The following TDRP variants were observed in gnomAD, a reference collection of about 807,000 sequenced individuals.
TDRP encodes the protein testis development related protein.
A neutral mutation model predicts 10.5 loss-of-function variants in TDRP; 12 were observed. The observed-to-expected ratio is 1.15, with a 90% CI of 0.73 to 1.86. TDRP has a LOEUF of 1.86. TDRP is among the 40% of genes most tolerant of loss of function. The pLI is 0.00. For missense variants in TDRP, 353 were observed against 229.2 expected (o/e 1.54, Z -3.49); for synonymous variants, 139 against 95.4 (o/e 1.46, Z -2.67).
intron 1 of TDRP, among the ~76,000 whole-genome samples, chr8:500,537 G>A (rs1801262576): frequency 2.0e-5 from 3 of 152,206 alleles, no homozygotes; most frequent in Non-Finnish European, 2.9e-5. Flanking sequence ...GACACTCTCA[G>A]AAGTGCCATC....
chr8:526,220 A>C (rs1802031074), intron 1 of TDRP, among the ~76,000 whole-genome samples: 2 of 152,106 alleles, frequency 1.3e-5, no homozygotes, highest in African/African-American at 4.8e-5. Context: ...CTGGTCTTGA[A>C]CTACTGGCCT....
intron 1 of TDRP, among the ~76,000 whole-genome samples, chr8:522,709 C>G (rs899932809): frequency 6.6e-6 from 1 of 152,180 alleles, no homozygotes; most frequent in African/African-American, 2.4e-5. Context: ...CTCGGTGCAC[C>G]TAAATAATTA....
chr8:515,415 T>A (rs1801731556), intron 1 of TDRP, among the ~76,000 whole-genome samples: 1 of 152,234 alleles, frequency 6.6e-6, no homozygotes. Context: ...GAACCAGAAG[T>A]ATTTCAGATT....
chr8:543,120 C>T (rs1387163294), intron 1 of TDRP, among the ~76,000 whole-genome samples: 1 of 152,050 alleles, frequency 6.6e-6, no homozygotes, highest in African/African-American at 2.4e-5. Context: ...TCTGCCTGGA[C>T]AACATAGCAA....
chr8:543,431 T>C (rs1802553362), intron 1 of TDRP, among the ~76,000 whole-genome samples: 1 of 152,180 alleles, frequency 6.6e-6, no homozygotes, highest in African/African-American at 2.4e-5. Flanking sequence ...AACAATAATA[T>C]GGCTCATCTT....
intron 1 of TDRP, among the ~76,000 whole-genome samples, chr8:544,032 C>A (rs1802569915): frequency 6.6e-6 from 1 of 152,140 alleles, no homozygotes; most frequent in Non-Finnish European, 1.5e-5. Context: ...TCTCTACACT[C>A]GTCAGGTAAA....
At chr8:500,145 G>C (rs996896301) in intron 1 of TDRP, among the ~76,000 whole-genome samples, 4 of 152,140 alleles carry the variant, frequency 2.6e-5, no homozygotes, top group African/African-American at 7.2e-5. Flanking sequence ...AAATGAGAAA[G>C]TAAGTTCCTG....
chr8:533,243 G>C (rs1289796997), intron 1 of TDRP, among the ~76,000 whole-genome samples: 1 of 152,168 alleles, frequency 6.6e-6, no homozygotes, highest in African/African-American at 2.4e-5. Context: ...CTGACCCCAT[G>C]TCACTGCTGG....
chr8:540,192 T>C (rs540803738), intron 1 of TDRP, among the ~76,000 whole-genome samples: 2 of 152,208 alleles, frequency 1.3e-5, no homozygotes, highest in African/African-American at 4.8e-5. Context: ...CAGCAACCTT[T>C]ATATTCACCG....
chr8:509,185 C>T (rs1428390008), intron 1 of TDRP, among the ~76,000 whole-genome samples: 1 of 152,188 alleles, frequency 6.6e-6, no homozygotes, highest in Non-Finnish European at 1.5e-5. Context: ...CTTTTCCAGG[C>T]ATATGGTGCA....
intron 1 of TDRP, among the ~76,000 whole-genome samples, chr8:519,829 T>C (rs1801853021): frequency 6.6e-6 from 1 of 152,188 alleles, no homozygotes; most frequent in Non-Finnish European, 1.5e-5. Context: ...TGATGGCTCA[T>C]CTTGAATTAT....
At chr8:528,420 A>C (rs1802094449) in intron 1 of TDRP, among the ~76,000 whole-genome samples, 2 of 131,076 alleles carry the variant, frequency 1.5e-5, no homozygotes, top group Admixed American at 8.3e-5. Context: ...ATATACCCAA[A>C]AGAAAGGAAA....
At chr8:500,665 T>C (rs1305462174) in intron 1 of TDRP, among the ~76,000 whole-genome samples, 1 of 152,248 alleles carries the variant, frequency 6.6e-6, no homozygotes, top group Non-Finnish European at 1.5e-5. Flanking sequence ...CATTAAGTTC[T>C]GAATTATCCC....
chr8:499,760 G>T (rs899066490), intron 1 of TDRP, among the ~76,000 whole-genome samples: 22 of 152,244 alleles, frequency 1.4e-4, no homozygotes, highest in African/African-American at 5.3e-4. Flanking sequence ...CCCCGGGAAG[G>T]ACAGGAGGGA....
intron 1 of TDRP, among the ~76,000 whole-genome samples, chr8:509,832 T>A (rs1166760648): frequency 1.3e-5 from 2 of 152,220 alleles, no homozygotes; most frequent in African/African-American, 2.4e-5. Flanking sequence ...TTCCAAACTT[T>A]GACGCCTGTT....
intron 1 of TDRP, chr8:494,915 A>G (rs113440160): frequency 9.1e-4 from 196 of 215,260 alleles, no homozygotes; most frequent in African/African-American, 4.2e-3. Flanking sequence ...TCCCTCACAA[A>G]TAAGAATTAG....
chr8:508,711 C>G (rs1349624577), intron 1 of TDRP, among the ~76,000 whole-genome samples: 2 of 152,156 alleles, frequency 1.3e-5, no homozygotes, highest in East Asian at 3.9e-4. Context: ...CCCCTGGCCC[C>G]TCCCAAATCT....
intron 1 of TDRP, among the ~76,000 whole-genome samples, chr8:506,558 C>A (rs1056147734): frequency 3.9e-5 from 6 of 152,230 alleles, no homozygotes; most frequent in Admixed American, 1.3e-4. Context: ...TGCTGCACTG[C>A]AAACAGTGGA....
At chr8:524,779 G>C (rs996108530) in intron 1 of TDRP, among the ~76,000 whole-genome samples, 4 of 152,032 alleles carry the variant, frequency 2.6e-5, no homozygotes, top group African/African-American at 7.2e-5. Context: ...TGAGACAAAA[G>C]AATAAAAAAC....
Sources: gnomAD v4.1 joint callset for allele counts (sites outside exome capture counted in the v4.1 genomes callset) on GRCh38, gnomAD v4.1.1 for gene constraint, MANE v1.5 for transcripts, NCBI Gene and HGNC (gene_info 2026-07-23, HGNC 2026-07-21) for gene names.